Variants in GGA2 observed in about 807,000 individuals in gnomAD.
The protein encoded by GGA2 is golgi associated, gamma adaptin ear containing, ARF binding protein 2.
In GGA2, 48 loss-of-function variants were observed where a neutral mutation model predicts 79.5. That is an observed-to-expected ratio of 0.60 (90% CI 0.48 to 0.77). GGA2 has a LOEUF of 0.77. Ranked by LOEUF, GGA2 falls within the 30% of genes least tolerant of loss-of-function variation. GGA2 has a pLI of 0.00. For missense variants in GGA2, 770 were observed against 774.0 expected (o/e 0.99, Z 0.06); for synonymous variants, 317 against 302.0 (o/e 1.05, Z -0.51).
intron 13 of GGA2, among the ~76,000 whole-genome samples, chr16:23,477,458 T>C (rs1451552239): frequency 6.6e-6 from 1 of 152,160 alleles, no homozygotes; most frequent in African/African-American, 2.4e-5. Flanking sequence ...AAGACACGCC[T>C]TTTGGCTGAG....
At chr16:23,522,241 T>G (rs2142155523), upstream of GGA2, 1 of 182,020 alleles carries the variant, frequency 5.5e-6, no homozygotes, top group Non-Finnish European at 1.2e-5. Context: ...ATATAATCCC[T>G]GTGAAACTAC....
intron 3 of GGA2, 134 bp from the exon 4 acceptor site, chr16:23,493,592 A>C (rs537598941): frequency 5.9e-5 from 38 of 642,744 alleles, no homozygotes; most frequent in Non-Finnish European, 1.0e-4. Flanking sequence ...AGGACACTGA[A>C]GTTTTGATGA....
chr16:23,477,076 T>TGA (rs1234162793), intron 13 of GGA2, among the ~76,000 whole-genome samples: 1 of 152,184 alleles, frequency 6.6e-6, no homozygotes, highest in African/African-American at 2.4e-5. Flanking sequence ...CTCAGCCTCC[T>TGA]GAGCAGCTGG....
chr16:23,476,982 C>T (rs1244206503), intron 13 of GGA2, among the ~76,000 whole-genome samples: 2 of 152,178 alleles, frequency 1.3e-5, no homozygotes, highest in South Asian at 2.1e-4. Context: ...GACAGGGTCT[C>T]ACTCTGCTGC....
intron 9 of GGA2, among the ~76,000 whole-genome samples, chr16:23,481,590 T>C (rs1165089249): frequency 1.3e-5 from 2 of 151,988 alleles, no homozygotes; most frequent in East Asian, 1.9e-4. Context: ...CTGGCCAACA[T>C]GGCAAAACTC....
intron 1 of GGA2, among the ~76,000 whole-genome samples, chr16:23,496,901 T>A (rs1184790777): frequency 6.8e-6 from 1 of 146,166 alleles, no homozygotes; most frequent in African/African-American, 2.6e-5. Flanking sequence ...GAGGTTGCAG[T>A]GAGCTGAGAT....
intron 9 of GGA2, among the ~76,000 whole-genome samples, chr16:23,481,196 T>C (rs1964643313): frequency 6.6e-6 from 1 of 152,088 alleles, no homozygotes. Flanking sequence ...CTGGTCAAAA[T>C]GGTGAAACCC....
intron 2 of GGA2, among the ~76,000 whole-genome samples, chr16:23,518,929 AATTTCATATAGTAAAAAGTAC>A (rs1245897470): frequency 3.9e-5 from 6 of 152,238 alleles, no homozygotes; most frequent in Admixed American, 3.9e-4. Flanking sequence ...ACAAATATAT[AATTTCATATAGTAAAAAGTAC>A]TATGAAGGCA....
Position 23,465,290 on chromosome 16 carries a change from C to T in GGA2, c.*2300G>A, listed in dbSNP as rs1015614639. ...GTGAGCCACTGTGCACAGCCAATAA[C>T]TACTTGTTAAGTGAATGAAGAGGTA... On this transcript the variant is annotated 3_prime_UTR_variant, in exon 17 of 17. Transcript: ENST00000309859. 2.8e-6 allele frequency: 2 copies of T among 701,780 alleles called. No individual in the cohort carries two copies. The highest frequency in any genetic ancestry group is 3.5e-5 in the African/African-American group (2 of 57,250). 43.5% of individuals were successfully genotyped at this position (701,780 alleles called of 1,614,324 possible).
chr16:23,470,156 G>C lies in GGA2; in HGVS notation c.1460C>G (p.Pro487Arg), dbSNP rs149792096. The change falls in exon 15 of 17, where the codon CCG becomes CGG. Residue 487 changes from proline (P) to arginine (R), a missense_variant. Coordinates refer to ENST00000309859, the MANE Select transcript of GGA2 (RefSeq NM_015044.4). ...ATTCCGGTCATACACAATGAGAGGC[G>C]GCAGGCTGCCTGGTATAAAGGGCAC... ...PLESVKPSSL[P>R]PLIVYDRNGF... 1 of 1,597,878 alleles carries C rather than the reference G, an allele frequency of 6.3e-7. No individual in the cohort carries two copies. The highest frequency in any genetic ancestry group is 1.3e-5 in the African/African-American group (1 of 74,360).
rs1185824124 is a variant in GGA2, at chr16:23,469,943, C to G, written c.1620+53G>C. On this transcript the variant is annotated intron_variant, in intron 15 of 16. Coordinates refer to ENST00000309859, the MANE Select transcript of GGA2 (RefSeq NM_015044.4). ...CGACAGGTAAGTCCCAGAAAAGAAC[C>G]TGGCACTCAAAAACGACAGCCATTA... 3 of 1,325,338 alleles carry G rather than the reference C, an allele frequency of 2.3e-6. No homozygotes were observed. In the African/African-American group the frequency reaches 4.5e-5, roughly 20 times the overall value. 82.1% of individuals were successfully genotyped at this position (1,325,338 alleles called of 1,614,324 possible). A position where few individuals can be genotyped will look rare whatever the true frequency, so the allele number is the denominator to read the frequency against.
chr16:23,514,176 GCT>G (rs1214162225), upstream of GGA2, among the ~76,000 whole-genome samples: 1 of 151,866 alleles, frequency 6.6e-6, no homozygotes, highest in Non-Finnish European at 1.5e-5. Flanking sequence ...CTCGATCTTG[GCT>G]CACTGCAACC....
At chr16:23,507,733 G>A (rs1380776051) in intron 1 of GGA2, among the ~76,000 whole-genome samples, 1 of 152,232 alleles carries the variant, frequency 6.6e-6, no homozygotes, top group Admixed American at 6.5e-5. Context: ...CAAGGAGGCA[G>A]AGGTTGCAGA....
In GGA2 at chr16:23,479,906, GGAAGA is replaced by G. The variant is rs773253620; in HGVS notation, c.1007-24_1007-20del. Reference sequence around the variant, plus strand: ...TGAAAGACTAGAAAGCCCAGGGTTAGGAAGAGAAGTCAGTTGGACATGAGAGCAAA... The same window carrying G: ...TGAAAGACTAGAAAGCCCAGGGTTAGGAAGTCAGTTGGACATGAGAGCAAA... On this transcript the variant is annotated intron_variant, in intron 10 of 16. Coordinates refer to ENST00000309859, the MANE Select transcript of GGA2 (RefSeq NM_015044.4). The G allele has an allele frequency of 5.6e-6, 9 of 1,613,248 alleles. No homozygotes were observed. The highest frequency in any genetic ancestry group is 2.7e-5 in the African/African-American group (2 of 75,036).
chr16:23,521,895 G>A (rs1965146773), exon 1 of GGA2: 3 of 452,610 alleles, frequency 6.6e-6, no homozygotes, highest in African/African-American at 2.0e-5. Flanking sequence ...ACTCTGGATC[G>A]GCACAGATCT....
intron 1 of GGA2, among the ~76,000 whole-genome samples, chr16:23,504,263 G>A (rs542282910): frequency 2.6e-5 from 4 of 152,284 alleles, no homozygotes; most frequent in East Asian, 1.9e-4. Context: ...CAGCCTGGAT[G>A]TGTTTCTAAC....
intron 14 of GGA2, among the ~76,000 whole-genome samples, chr16:23,474,530 G>C (rs1964552344): frequency 6.6e-6 from 1 of 151,866 alleles, no homozygotes; most frequent in South Asian, 2.1e-4. Context: ...GCTAATGTTT[G>C]TATTTTTTGT....
At position 23,467,423 on chromosome 16, in the gene GGA2, C is replaced by CACACACACACACACACACACACAT. The variant is rs1567356535; in HGVS notation, c.*166_*167insATGTGTGTGTGTGTGTGTGTGTGT. 1.6e-6 allele frequency: 1 copy of CACACACACACACACACACACACAT among 610,964 alleles called. No homozygotes were observed. Among genetic ancestry groups the CACACACACACACACACACACACAT allele is most frequent in the African/African-American group, 1.9e-5 (1 of 53,820 alleles). The allele number at this position is 610,964 out of a possible 1,614,324, so 37.8% of individuals were successfully genotyped here. A position where few individuals can be genotyped will look rare whatever the true frequency, so the allele number is the denominator to read the frequency against. On this transcript the variant is annotated 3_prime_UTR_variant, in exon 17 of 17. Transcript: ENST00000309859. The stretch of plus-strand genomic sequence containing the variant: ...ACACACACACACACACACACACACA[C>CACACACACACACACACACACACAT]ACACACACACAGAGCATCTGCAGAA...
At chr16:23,512,046 A>G (rs1319251601), upstream of GGA2, among the ~76,000 whole-genome samples, 1 of 152,228 alleles carries the variant, frequency 6.6e-6, no homozygotes, top group Non-Finnish European at 1.5e-5. Context: ...TGCTGTCTAG[A>G]CAACACATAA....
Sources: gnomAD v4.1 joint callset for allele counts (sites outside exome capture counted in the v4.1 genomes callset) on GRCh38, gnomAD v4.1.1 for gene constraint, MANE v1.5 for transcripts, NCBI Gene and HGNC (gene_info 2026-07-23, HGNC 2026-07-21) for gene names.